The following GRIA1 variants were observed in gnomAD, a reference collection of about 807,000 sequenced individuals.
GRIA1 encodes glutamate receptor 1.
In GRIA1, 31 loss-of-function variants were observed where a neutral mutation model predicts 99.2. That is an observed-to-expected ratio of 0.31 (90% CI 0.23 to 0.42). The LOEUF is 0.42. Ranked by LOEUF, GRIA1 falls within the 10% of genes least tolerant of loss-of-function variation. GRIA1 has a pLI of 1.00. For missense variants in GRIA1, 782 were observed against 1,157.5 expected (o/e 0.68, Z 4.71); for synonymous variants, 438 against 432.4 (o/e 1.01, Z -0.16).
chr5:153,808,652 C>T (rs894841348), intron 15 of GRIA1, among the ~76,000 whole-genome samples: 1 of 152,198 alleles, frequency 6.6e-6, no homozygotes, highest in African/African-American at 2.4e-5. Flanking sequence ...TTCCCCAAAA[C>T]TCCCTGGATG....
chr5:153,741,266 T>G (rs898406217), intron 11 of GRIA1, among the ~76,000 whole-genome samples: 7 of 151,956 alleles, frequency 4.6e-5, no homozygotes, highest in Admixed American at 6.6e-5. Context: ...GAGCCACCGC[T>G]CCCGGCCAGA....
chr5:153,588,604 G>A (rs886994750), intron 2 of GRIA1, among the ~76,000 whole-genome samples: 1 of 152,176 alleles, frequency 6.6e-6, no homozygotes, highest in East Asian at 1.9e-4. Context: ...AGGACAGATT[G>A]CTTAATCCTG....
chr5:153,654,011 T>C (rs1426572755), intron 4 of GRIA1, among the ~76,000 whole-genome samples: 1 of 152,134 alleles, frequency 6.6e-6, no homozygotes, highest in African/African-American at 2.4e-5. Flanking sequence ...CCTTGTGAAA[T>C]TGCTTCTTAC....
intron 10 of GRIA1, among the ~76,000 whole-genome samples, chr5:153,701,281 C>T (rs1053878348): frequency 1.3e-5 from 2 of 152,124 alleles, no homozygotes; most frequent in Admixed American, 6.5e-5. Context: ...AGGCCTGCCT[C>T]AGTAGCCTCC....
chr5:153,595,414 C>G (rs1201347951), intron 2 of GRIA1, among the ~76,000 whole-genome samples: 1 of 152,086 alleles, frequency 6.6e-6, no homozygotes, highest in Non-Finnish European at 1.5e-5. Flanking sequence ...TTATTATTAA[C>G]TAACACTAAA....
At chr5:153,498,779 GCTTAA>G (rs1270827168) in intron 2 of GRIA1, among the ~76,000 whole-genome samples, 1 of 151,498 alleles carries the variant, frequency 6.6e-6, no homozygotes, top group African/African-American at 2.4e-5. Flanking sequence ...CCACATTCCT[GCTTAA>G]CTTCTATTTT....
chr5:153,558,475 C>T (rs1760845271), intron 2 of GRIA1, among the ~76,000 whole-genome samples: 1 of 152,112 alleles, frequency 6.6e-6, no homozygotes, highest in Non-Finnish European at 1.5e-5. Context: ...ATGTCATCTA[C>T]ATGGAATTCT....
chr5:153,647,042 G>C lies in GRIA1; in HGVS notation c.335G>C (p.Ser112Thr). Residue 112 changes from serine (S) to threonine (T), a missense_variant, in exon 3 of 16, where the codon AGC (serine) becomes ACC (threonine). This residue lies in a region of GRIA1 where 461 missense variants were observed against 521.7 expected (regional missense o/e 0.88). Coordinates refer to ENST00000285900, the MANE Select transcript of GRIA1 (RefSeq NM_000827.4). Reference protein sequence around the residue: ...GALHVCFITPSFPVDTSNQFV... With the variant: ...GALHVCFITPTFPVDTSNQFV... ...CTCCACGTCTGCTTCATTACGCCGA[G>C]CTTTCCCGTTGATACATCCAATCAG... 1 of 1,613,974 alleles carries C rather than the reference G, an allele frequency of 6.2e-7. No homozygotes were observed. Among genetic ancestry groups the C allele is most frequent in the South Asian group, 1.1e-5 (1 of 91,072 alleles).
At chr5:153,606,336 G>A (rs1217971176) in intron 2 of GRIA1, among the ~76,000 whole-genome samples, 1 of 151,944 alleles carries the variant, frequency 6.6e-6, no homozygotes, top group Non-Finnish European at 1.5e-5. Flanking sequence ...CTTTGTATCT[G>A]GAACAGGAAG....
At chr5:153,587,035 T>A (rs1763547658) in intron 2 of GRIA1, among the ~76,000 whole-genome samples, 1 of 152,128 alleles carries the variant, frequency 6.6e-6, no homozygotes, top group Non-Finnish European at 1.5e-5. Flanking sequence ...GCCTCCTGCA[T>A]CAAAATTTCA....
At chr5:153,571,727 T>C (rs1468571799) in intron 2 of GRIA1, among the ~76,000 whole-genome samples, 2 of 152,100 alleles carry the variant, frequency 1.3e-5, no homozygotes, top group Non-Finnish European at 2.9e-5. Flanking sequence ...AATTTACATA[T>C]AAATTTTAGA....
chr5:153,738,046 G>C (rs562339231), intron 11 of GRIA1, among the ~76,000 whole-genome samples: 2 of 152,324 alleles, frequency 1.3e-5, no homozygotes, highest in East Asian at 3.9e-4. Context: ...AGGGACAGGA[G>C]CAGGCCAGAC....
At chr5:153,755,903 G>C (rs1032657081) in intron 11 of GRIA1, among the ~76,000 whole-genome samples, 1 of 152,202 alleles carries the variant, frequency 6.6e-6, no homozygotes, top group Non-Finnish European at 1.5e-5. Context: ...CATGCTCTTA[G>C]GTTCAAACCT....
At position 153,665,380 on chromosome 5, in the gene GRIA1, C is replaced by CTT. The variant is rs761938924; in HGVS notation, c.700-9115_700-9114dup. On this transcript the variant is annotated intron_variant, in intron 5 of 15. Transcript: ENST00000285900. Reference sequence around the variant, plus strand: ...GTAACTGGATAAGTCAACACGAATGCTTTTTTCTTCTCAATATTTATGGTG... The same window carrying CTT: ...GTAACTGGATAAGTCAACACGAATGCTTTTTTTTCTTCTCAATATTTATGGTG... Among the ~76,000 whole-genome samples the CTT allele has an allele frequency of 2.6e-5, 4 of 152,156 alleles. No individual in the cohort carries two copies. The East Asian group carries it at 7.7e-4, about 29-fold the overall frequency.
chr5:153,742,759 A>C (rs1218781215), intron 11 of GRIA1, among the ~76,000 whole-genome samples: 1 of 152,030 alleles, frequency 6.6e-6, no homozygotes, highest in Non-Finnish European at 1.5e-5. Context: ...TATCTTTCCT[A>C]TGTCTTCTTC....
At chr5:153,598,043 T>C (rs771452062) in intron 2 of GRIA1, among the ~76,000 whole-genome samples, 12 of 151,996 alleles carry the variant, frequency 7.9e-5, no homozygotes, top group Non-Finnish European at 1.3e-4. Flanking sequence ...TAGAAGCAGA[T>C]CTAGAGAATG....
intron 11 of GRIA1, among the ~76,000 whole-genome samples, chr5:153,730,617 G>A (rs952991711): frequency 2.2e-4 from 33 of 152,150 alleles, no homozygotes; most frequent in African/African-American, 7.9e-4. Context: ...ATGTTACACA[G>A]AAAATAAAGA....
At position 153,641,686 on chromosome 5, in the gene GRIA1, C is replaced by G. The variant is rs573776399; in HGVS notation, c.221-5242C>G. On this transcript the variant is annotated intron_variant, in intron 2 of 15. Transcript: ENST00000285900. ...CTTCCTTCTACCCATATACAGTACT[C>G]TTTATGCACATGTAACTGTACCAAA... Among the ~76,000 whole-genome samples the G allele has an allele frequency of 4.6e-5, 7 of 152,300 alleles. No individual in the cohort carries two copies. The East Asian group carries it at 9.7e-4, about 21-fold the overall frequency.
chr5:153,546,225 T>C (rs1353355800), intron 2 of GRIA1, among the ~76,000 whole-genome samples: 1 of 151,808 alleles, frequency 6.6e-6, no homozygotes, highest in Non-Finnish European at 1.5e-5. Context: ...GAAGGAAGAG[T>C]TGAAGAAGTC....
Sources: allele counts gnomAD v4.1 joint callset (sites outside exome capture counted in the v4.1 genomes callset), GRCh38; gene constraint gnomAD v4.1.1; regional missense constraint gnomAD v4.1.1; transcripts MANE v1.5; gene names NCBI Gene and HGNC (gene_info 2026-07-23, HGNC 2026-07-21).